CTNNA3: variants seen among roughly 807,000 people sequenced by gnomAD.
CTNNA3 encodes the protein catenin alpha 3.
In CTNNA3, 76 loss-of-function variants were observed where a neutral mutation model predicts 95.7. The ratio of observed to expected loss-of-function variants is 0.79; its 90% CI spans 0.66 to 0.96. CTNNA3 has a LOEUF of 0.96. CTNNA3 is among the 40% of genes least tolerant of loss of function. The pLI is 0.00. For missense variants in CTNNA3, 1,191 were observed against 1,089.8 expected, an observed-to-expected ratio of 1.09 and a Z score of -1.31; for synonymous variants, 431 against 374.4, an observed-to-expected ratio of 1.15 and a Z score of -1.74.
intron 10 of CTNNA3, among the ~76,000 whole-genome samples, chr10:66,557,860 C>A (rs1319962839): frequency 6.6e-6 from 1 of 151,904 alleles, no homozygotes; most frequent in Non-Finnish European, 1.5e-5. Flanking sequence ...TCACTTTTTT[C>A]CTGTTACCAA....
rs1845258501 is a variant in CTNNA3 at position 67,408,953 on chromosome 10, A to G, written c.579+112889T>C. On this transcript the variant is annotated intron_variant, in intron 5 of 17. Transcript: ENST00000433211. ...ACAGACACTTCTCAAAAGAAGACAT[A>G]CATGCATGTGGCCAACAAACATGTG... Among the ~76,000 whole-genome samples the G allele has an allele frequency of 5.9e-5, 9 of 151,874 alleles. No individual in the cohort carries two copies. In the South Asian group the frequency reaches 1.9e-3, roughly 32 times the overall value.
intron 5 of CTNNA3, among the ~76,000 whole-genome samples, chr10:67,224,689 G>C (rs931251738): frequency 2.0e-5 from 3 of 152,112 alleles, no homozygotes; most frequent in Non-Finnish European, 4.4e-5. Flanking sequence ...AAAATATAGA[G>C]AGGAAGCAGC....
intron 7 of CTNNA3, among the ~76,000 whole-genome samples, chr10:67,137,243 T>C (rs1037213299): frequency 2.0e-5 from 3 of 152,190 alleles, no homozygotes; most frequent in African/African-American, 7.2e-5. Flanking sequence ...GCTATTGTAA[T>C]AAAAGTTTAT....
intron 13 of CTNNA3, among the ~76,000 whole-genome samples, chr10:66,254,021 T>A (rs7093662): frequency 6.6e-6 from 1 of 152,140 alleles, no homozygotes; most frequent in Non-Finnish European, 1.5e-5. Flanking sequence ...AAAGTGCTCA[T>A]CTTGGAAGAG....
At chr10:66,845,705 A>AAAAAAAAAAAAAC (rs1843226659) in intron 7 of CTNNA3, among the ~76,000 whole-genome samples, 18 of 73,136 alleles carry the variant, frequency 2.5e-4, no homozygotes, top group African/African-American at 1.1e-3. Context: ...CTCTGTCTCA[A>AAAAAAAAAAAAAC]AAAAAAAAAA....
chr10:67,211,594 C>A (rs1250753901), intron 6 of CTNNA3, among the ~76,000 whole-genome samples: 1 of 152,156 alleles, frequency 6.6e-6, no homozygotes, highest in Non-Finnish European at 1.5e-5. Flanking sequence ...ATGTACCTGG[C>A]AACTTGCTAG....
At chr10:66,626,052 G>C (rs969628079) in intron 9 of CTNNA3, among the ~76,000 whole-genome samples, 1 of 152,072 alleles carries the variant, frequency 6.6e-6, no homozygotes, top group Admixed American at 6.5e-5. Flanking sequence ...TCATTACTTT[G>C]TTCTAATCTG....
intron 7 of CTNNA3, among the ~76,000 whole-genome samples, chr10:66,980,946 G>A (rs1291472140): frequency 6.6e-6 from 1 of 151,852 alleles, no homozygotes; most frequent in Admixed American, 6.6e-5. Context: ...CACTCTTGTT[G>A]CCCAGGCTGG....
intron 7 of CTNNA3, among the ~76,000 whole-genome samples, chr10:67,100,892 G>A (rs1858298528): frequency 6.6e-6 from 1 of 151,668 alleles, no homozygotes; most frequent in African/African-American, 2.4e-5. Context: ...TCTTTCCACT[G>A]TACTAAAAGA....
intron 1 of CTNNA3, among the ~76,000 whole-genome samples, chr10:67,690,764 G>A (rs1274119911): frequency 1.3e-5 from 2 of 152,144 alleles, no homozygotes; most frequent in African/African-American, 4.8e-5. Flanking sequence ...CTTAAGCAAC[G>A]CTACTCAAAC....
chr10:67,523,195 C>A (rs1840036392), intron 4 of CTNNA3, among the ~76,000 whole-genome samples: 1 of 152,156 alleles, frequency 6.6e-6, no homozygotes, highest in Non-Finnish European at 1.5e-5. Context: ...CATGACAGGA[C>A]AGTAAATTAA....
chr10:67,045,509 C>T (rs1325294308), intron 7 of CTNNA3, among the ~76,000 whole-genome samples: 1 of 152,114 alleles, frequency 6.6e-6, no homozygotes, highest in African/African-American at 2.4e-5. Context: ...GGGAACTGTT[C>T]TGCTACGTAG....
intron 1 of CTNNA3, among the ~76,000 whole-genome samples, chr10:67,747,879 G>C (rs977035547): frequency 6.6e-6 from 1 of 152,166 alleles, no homozygotes; most frequent in Non-Finnish European, 1.5e-5. Flanking sequence ...GGTTACAGGA[G>C]CTGTTAACTA....
chr10:66,562,262 T>C (rs1387898864), intron 10 of CTNNA3, among the ~76,000 whole-genome samples: 1 of 152,058 alleles, frequency 6.6e-6, no homozygotes, highest in Non-Finnish European at 1.5e-5. Context: ...CTGACAAATT[T>C]CTCTTATTTA....
At chr10:67,479,589 A>C (rs986979552) in intron 5 of CTNNA3, among the ~76,000 whole-genome samples, 4 of 152,146 alleles carry the variant, frequency 2.6e-5, no homozygotes, top group African/African-American at 7.2e-5. Context: ...GGGATGCAGC[A>C]AAAGCAATGT....
chr10:66,182,760 C>A (rs2086122711), intron 13 of CTNNA3, among the ~76,000 whole-genome samples: 1 of 151,984 alleles, frequency 6.6e-6, no homozygotes, highest in Admixed American at 6.6e-5. Flanking sequence ...AATTTAAGAT[C>A]CTAAAATGAA....
intron 14 of CTNNA3, among the ~76,000 whole-genome samples, chr10:66,100,706 G>A (rs920702117): frequency 2.6e-5 from 4 of 152,094 alleles, no homozygotes; most frequent in African/African-American, 4.8e-5. Context: ...ACCTATAATG[G>A]GCAGCCAGTC....
chr10:66,694,210 G>A (rs1231934392), intron 9 of CTNNA3, among the ~76,000 whole-genome samples: 14 of 152,000 alleles, frequency 9.2e-5, no homozygotes, highest in East Asian at 1.9e-4. Flanking sequence ...TTGATAGACC[G>A]CTAGCAAGAC....
chr10:67,347,253 G>A (rs149530602), intron 5 of CTNNA3, among the ~76,000 whole-genome samples: 1,725 of 151,732 alleles, frequency 0.011, 36 homozygotes, highest in African/African-American at 0.038. Context: ...TTGTAGAGAT[G>A]GGGTTTCACC....
Sources: allele counts gnomAD v4.1 joint callset (sites outside exome capture counted in the v4.1 genomes callset), GRCh38; gene constraint gnomAD v4.1.1; transcripts MANE v1.5; gene names NCBI Gene and HGNC (gene_info 2026-07-23, HGNC 2026-07-21).